The following MACF1 variants were observed in gnomAD, a reference collection of about 807,000 sequenced individuals.
MACF1 encodes microtubule-actin cross-linking factor 1.
MACF1 carries 193 observed loss-of-function variants against 854.8 expected under a neutral mutation model. That is an observed-to-expected ratio of 0.23 (90% CI 0.20 to 0.25). The LOEUF is 0.25. Among genes scored for constraint, MACF1 ranks in the 10% least tolerant of loss-of-function variants. MACF1 has a pLI of 1.00. For missense variants in MACF1, 7,722 were observed against 8,929.1 expected (o/e 0.86, Z 5.45); for synonymous variants, 3,185 against 3,226.7 (o/e 0.99, Z 0.44).
chr1:39,095,986 T>C (rs1239985522), intron 2 of MACF1, among the ~76,000 whole-genome samples: 2 of 151,100 alleles, frequency 1.3e-5, no homozygotes, highest in Non-Finnish European at 2.9e-5. Flanking sequence ...CTGGGCAACA[T>C]AGTGAGACCT....
chr1:39,292,622 G>C, intron 16 of MACF1, 144 bp from the exon 17 acceptor site: 1 of 616,548 alleles, frequency 1.6e-6, no homozygotes, highest in South Asian at 2.1e-5. Flanking sequence ...ATATGACTCA[G>C]AAATTTGTTG....
intron 4 of MACF1, among the ~76,000 whole-genome samples, chr1:39,252,718 G>C (rs1298837912): frequency 6.6e-6 from 1 of 152,092 alleles, no homozygotes; most frequent in East Asian, 1.9e-4. Flanking sequence ...CATCTTCTAA[G>C]CCATATTCAC....
chr1:39,421,639 T>C (rs993301438), intron 58 of MACF1, among the ~76,000 whole-genome samples: 3 of 152,204 alleles, frequency 2.0e-5, no homozygotes, highest in African/African-American at 4.8e-5. Context: ...GTTAAGGCTA[T>C]TCCCCAAGGG....
At position 39,350,832 on chromosome 1, in the gene MACF1, T is replaced by C; in HGVS notation, c.11013T>C (p.Val3671=). The part of the protein sequence containing the change: ...IQNRATSFAT[V]VKDIEGFMEE... Reference sequence around the variant, plus strand: ...ATCGTGCCACCTCATTTGCCACTGTTGTCAAGGACATTGAGGGGTTCATGG... The same window carrying C: ...ATCGTGCCACCTCATTTGCCACTGTCGTCAAGGACATTGAGGGGTTCATGG... The change falls in exon 43 of 101, where the codon GTT becomes GTC. Residue 3671 remains valine (V), a synonymous_variant. Coordinates refer to ENST00000564288, the MANE Select transcript of MACF1 (RefSeq NM_001394062.1). The C allele has an allele frequency of 1.2e-6, 2 of 1,614,072 alleles. No homozygotes were observed. Among genetic ancestry groups the C allele is most frequent in the Non-Finnish European group, 1.7e-6 (2 of 1,179,960 alleles).
At chr1:39,163,126 G>A (rs1173232123) in intron 2 of MACF1, among the ~76,000 whole-genome samples, 2 of 152,008 alleles carry the variant, frequency 1.3e-5, no homozygotes, top group Admixed American at 1.3e-4. Context: ...GCCGAGGCTG[G>A]CGGATCACGA....
intron 2 of MACF1, among the ~76,000 whole-genome samples, chr1:39,093,204 C>T (rs1641851381): frequency 6.6e-6 from 1 of 151,422 alleles, no homozygotes; most frequent in African/African-American, 2.4e-5. Context: ...TGGACACCAG[C>T]GGGGTGTCCT....
At position 39,479,817 on chromosome 1, in the gene MACF1, T is replaced by C. The variant is rs761969685; in HGVS notation, c.21978T>C (p.Ile7326=). The C allele has an allele frequency of 3.7e-6, 6 of 1,614,224 alleles. No individual in the cohort carries two copies. Among genetic ancestry groups the C allele is most frequent in the Non-Finnish European group, 5.1e-6 (6 of 1,180,010 alleles). The change falls in exon 98 of 101, where the codon ATT becomes ATC. Residue 7326 remains isoleucine, a synonymous_variant. Coordinates refer to ENST00000564288, the MANE Select transcript of MACF1 (RefSeq NM_001394062.1). The part of the protein sequence containing the change: ...QSPIARGRTN[I]ELREKFILPE... The stretch of plus-strand genomic sequence containing the variant: ...TTTTAGCACGAGGTAGAACTAACAT[T>C]GAACTTAGAGAGAAATTCATCCTAC...
In MACF1 at chr1:39,334,597, T is replaced by C. The variant is rs1646780210; in HGVS notation, c.8009T>C (p.Ile2670Thr). 1 of 1,614,136 alleles carries C rather than the reference T, an allele frequency of 6.2e-7. No homozygotes were observed. The highest frequency in any genetic ancestry group is 1.3e-5 in the African/African-American group (1 of 75,062). The change falls in exon 37 of 101, where the codon ATT becomes ACT. Residue 2670 changes from isoleucine to threonine, a missense_variant. Ile to Thr is a moderately conservative substitution (Grantham distance 89). Around this residue, in one of 15 missense-constraint regions of MACF1, gnomAD observed 1,531 missense variants for 1,601.6 expected, o/e 0.96. Transcript: ENST00000564288. ...AAAGTGCTTACATTGTCTCAAGCAA[T>C]TCAGCTTGGAAAAGTAGACTTTGCA... ...SDKVLTLSQA[I>T]QLGKVDFAST...
chr1:39,224,956 G>A (rs963387729), intron 1 of MACF1, among the ~76,000 whole-genome samples: 1 of 152,082 alleles, frequency 6.6e-6, no homozygotes, highest in African/African-American at 2.4e-5. Context: ...AGGCTGAGGT[G>A]GGAGGATCAC....
At chr1:39,324,074 G>C in intron 33 of MACF1, 119 bp from the exon 34 acceptor site, 1 of 1,020,646 alleles carries the variant, frequency 9.8e-7, no homozygotes, top group Non-Finnish European at 1.4e-6. Context: ...TATTTTCACA[G>C]CCCACTTATT....
At chr1:39,422,335 GC>G (rs761571061) in intron 58 of MACF1, 38 bp from the exon 59 acceptor site, 1 of 1,578,996 alleles carries the variant, frequency 6.3e-7, no homozygotes, top group Non-Finnish European at 8.7e-7. Flanking sequence ...GAGTCTAATA[GC>G]CTTTGTATTA....
chr1:39,177,226 C>G (rs897188286), intron 2 of MACF1, among the ~76,000 whole-genome samples: 8 of 152,174 alleles, frequency 5.3e-5, no homozygotes, highest in African/African-American at 1.9e-4. Flanking sequence ...ACCCCCGCCT[C>G]CCAGGTTCAA....
intron 2 of MACF1, among the ~76,000 whole-genome samples, chr1:39,185,599 G>T (rs143981319): frequency 6.6e-6 from 1 of 152,004 alleles, no homozygotes; most frequent in Non-Finnish European, 1.5e-5. Flanking sequence ...AGGGAGGAAG[G>T]AAAGCTTTAT....
Position 39,479,884 on chromosome 1 carries a change from G to A in MACF1, c.22045G>A (p.Gly7349Ser), listed in dbSNP as rs1644982734. ...GGGAATGACCCCCTTCCGCTCACGG[G>A]GTCGAAGGTCCAAACCATCTTCCCG... ...SQGMTPFRSRGRRSKPSSRAA... is the reference protein window; with the variant it reads ...SQGMTPFRSRSRRSKPSSRAA... The change falls in exon 98 of 101, where the codon GGT becomes AGT. Residue 7349 changes from glycine (G) to serine (S), a missense_variant. Physicochemically the swap from Gly to Ser is moderately conservative, Grantham distance 56. Coordinates refer to ENST00000564288, the MANE Select transcript of MACF1 (RefSeq NM_001394062.1). 1 of 1,614,090 alleles carries A rather than the reference G, an allele frequency of 6.2e-7. No individual in the cohort carries two copies. Among genetic ancestry groups the A allele is most frequent in the African/African-American group, 1.3e-5 (1 of 74,936 alleles).
At chr1:39,364,779 A>C (rs936609312) in intron 49 of MACF1, among the ~76,000 whole-genome samples, 12 of 152,166 alleles carry the variant, frequency 7.9e-5, no homozygotes, top group African/African-American at 2.9e-4. Flanking sequence ...GGCGTGAGCC[A>C]CCGCGCCCGG....
intron 2 of MACF1, among the ~76,000 whole-genome samples, chr1:39,100,190 C>T (rs1642033126): frequency 6.6e-6 from 1 of 152,118 alleles, no homozygotes; most frequent in Non-Finnish European, 1.5e-5. Context: ...AAGATTGTGC[C>T]ACCGCACTCC....
At chr1:39,305,119 G>T (rs927906535) in intron 23 of MACF1, among the ~76,000 whole-genome samples, 1 of 151,562 alleles carries the variant, frequency 6.6e-6, no homozygotes, top group Admixed American at 6.6e-5. Flanking sequence ...CAATTAGCCT[G>T]GCGTGGTGGT....
rs1400511359 is a variant in MACF1, at chr1:39,357,380, T to A, written c.11430T>A (p.Arg3810=). 1 of 1,611,180 alleles carries A rather than the reference T, an allele frequency of 6.2e-7. No individual in the cohort carries two copies. Among genetic ancestry groups the A allele is most frequent in the Non-Finnish European group, 8.5e-7 (1 of 1,178,766 alleles). Residue 3810 remains arginine (R), a synonymous_variant, in exon 45 of 101, where the codon CGT becomes CGA. Coordinates refer to ENST00000564288, the MANE Select transcript of MACF1 (RefSeq NM_001394062.1). The part of the protein sequence containing the change: ...LDKQCEMMKA[R]HQELLSQQQN... Reference sequence around the variant, plus strand: ...GGGGGATTTTTTTTTACCAGGCCCGTCACCAAGAATTGCTGTCCCAGCAGC... The same window carrying A: ...GGGGGATTTTTTTTTACCAGGCCCGACACCAAGAATTGCTGTCCCAGCAGC...
intron 2 of MACF1, among the ~76,000 whole-genome samples, chr1:39,192,427 A>G (rs1341107151): frequency 6.6e-6 from 1 of 152,180 alleles, no homozygotes; most frequent in Non-Finnish European, 1.5e-5. Flanking sequence ...TCACAAAACC[A>G]TAAATACTGA....
Sources: gnomAD v4.1 joint callset for allele counts (sites outside exome capture counted in the v4.1 genomes callset) on GRCh38, gnomAD v4.1.1 for gene constraint, gnomAD v4.1.1 regional missense constraint, MANE v1.5 for transcripts, NCBI Gene and HGNC (gene_info 2026-07-23, HGNC 2026-07-21) for gene names.